LARP1B: variants seen among roughly 807,000 people sequenced by gnomAD.
LARP1B encodes the protein La ribonucleoprotein 1B.
LARP1B carries 76 observed loss-of-function variants against 114.2 expected under a neutral mutation model. The observed-to-expected ratio is 0.67, with a 90% CI of 0.55 to 0.81. The LOEUF (loss-of-function observed/expected upper bound fraction) is 0.81, where lower values mean the gene tolerates loss of function less well. Ranked by LOEUF, LARP1B falls within the 30% of genes least tolerant of loss-of-function variation. The probability of loss-of-function intolerance (pLI) is 0.00; values close to 1 mark genes in which losing one functional copy is unlikely to be tolerated. For missense variants in LARP1B, 1,014 were observed against 1,075.8 expected (o/e 0.94, Z 0.80); for synonymous variants, 345 against 348.0 (o/e 0.99, Z 0.10).
chr4:128,123,508 T>A, intron 11 of LARP1B: 2 of 491,448 alleles, frequency 4.1e-6, no homozygotes, highest in Non-Finnish European at 5.3e-6. Flanking sequence ...ATAGCATATA[T>A]CATTATCTAT....
rs1161210908 is a variant in LARP1B, at chr4:128,061,611, G to A, written c.-78+210G>A. 8 of 917,224 alleles carry A rather than the reference G, an allele frequency of 8.7e-6. No individual in the cohort carries two copies. In the Middle Eastern group the frequency reaches 2.2e-3, roughly 253 times the overall value. 56.8% of individuals were successfully genotyped at this position (917,224 alleles called of 1,614,324 possible). ...GGTTGTCTGTCCCCAGTTGGAGCCG[G>A]CCGGTGTCCCGGCGGAGAGACGGGC... On this transcript the variant is annotated intron_variant, in intron 1 of 19. Coordinates refer to ENST00000326639, the MANE Select transcript of LARP1B (RefSeq NM_018078.4).
At chr4:128,061,573 C>T in intron 1 of LARP1B, 172 bp downstream of exon 1, 2 of 659,312 alleles carry the variant, frequency 3.0e-6, no homozygotes, top group Non-Finnish European at 3.8e-6. Context: ...CGGCCACGGC[C>T]GCCGGGCTCT....
At chr4:128,127,218 T>C (rs1789947752) in intron 11 of LARP1B, among the ~76,000 whole-genome samples, 1 of 151,020 alleles carries the variant, frequency 6.6e-6, no homozygotes, top group Non-Finnish European at 1.5e-5. Context: ...AAGGGTAGAA[T>C]AAAAGTGATT....
chr4:128,182,201 C>A (rs1236635166), intron 15 of LARP1B, among the ~76,000 whole-genome samples: 1 of 145,492 alleles, frequency 6.9e-6, no homozygotes, highest in African/African-American at 2.5e-5. Context: ...GCAACCGTAA[C>A]CTCCCAGACT....
chr4:128,150,232 G>A (rs989968326), intron 11 of LARP1B, among the ~76,000 whole-genome samples: 3 of 151,438 alleles, frequency 2.0e-5, no homozygotes, highest in African/African-American at 7.3e-5. Flanking sequence ...AATAAATGGT[G>A]TCTGAGATTA....
intron 11 of LARP1B, among the ~76,000 whole-genome samples, chr4:128,150,051 T>C (rs1157199439): frequency 1.3e-5 from 2 of 152,124 alleles, no homozygotes; most frequent in Non-Finnish European, 2.9e-5. Context: ...TTCAGGAGGC[T>C]GAGGCAGGAG....
At chr4:128,089,367 ACT>A (rs1440877804) in intron 5 of LARP1B, among the ~76,000 whole-genome samples, 2 of 152,224 alleles carry the variant, frequency 1.3e-5, no homozygotes, top group East Asian at 1.9e-4. Flanking sequence ...ACAGAATCTC[ACT>A]CTGTTACCTA....
At chr4:128,194,670 A>C (rs1286283747) in intron 15 of LARP1B, among the ~76,000 whole-genome samples, 1 of 119,274 alleles carries the variant, frequency 8.4e-6, no homozygotes, top group Non-Finnish European at 1.7e-5. Context: ...GCGACAGAGC[A>C]AGACTCTGTC....
chr4:128,130,243 A>T (rs1791134632), intron 11 of LARP1B, among the ~76,000 whole-genome samples: 1 of 152,212 alleles, frequency 6.6e-6, no homozygotes, highest in South Asian at 2.1e-4. Flanking sequence ...ATATTTACAA[A>T]TGACAAATTT....
chr4:128,188,622 T>C (rs1174376352), intron 15 of LARP1B, among the ~76,000 whole-genome samples: 1 of 152,208 alleles, frequency 6.6e-6, no homozygotes, highest in Non-Finnish European at 1.5e-5. Context: ...ACTTTTTTGA[T>C]GTAGGCATTT....
At chr4:128,100,737 A>G (rs1780019926) in intron 8 of LARP1B, among the ~76,000 whole-genome samples, 1 of 151,236 alleles carries the variant, frequency 6.6e-6, no homozygotes, top group Non-Finnish European at 1.5e-5. Flanking sequence ...TTCATTCTGG[A>G]TACAAGTCCA....
intron 12 of LARP1B, among the ~76,000 whole-genome samples, chr4:128,173,460 C>T (rs945995491): frequency 5.3e-5 from 8 of 152,156 alleles, no homozygotes; most frequent in Non-Finnish European, 1.0e-4. Context: ...GTTCACTAAA[C>T]ACTAACAGCA....
chr4:128,155,610 C>T lies in LARP1B; in HGVS notation c.1525-6584C>T, dbSNP rs1425007666. 4.5e-6 allele frequency: 5 copies of T among 1,110,212 alleles called. No individual in the cohort carries two copies. The East Asian group carries it at 9.4e-5, about 21-fold the overall frequency. 68.8% of individuals were successfully genotyped at this position (1,110,212 alleles called of 1,614,324 possible). The stretch of plus-strand genomic sequence containing the variant: ...GGCCTCTGACCTACCCTTAGTCCAG[C>T]CCCCTACAACCCCAGCCAGGAGCCA... On this transcript the variant is annotated intron_variant, in intron 11 of 19. Transcript: ENST00000326639.
At chr4:128,102,339 C>A (rs1213635442) in intron 8 of LARP1B, among the ~76,000 whole-genome samples, 1 of 152,132 alleles carries the variant, frequency 6.6e-6, no homozygotes, top group African/African-American at 2.4e-5. Flanking sequence ...CTAGGGTTGT[C>A]ATGAGGATGA....
At chr4:128,120,803 A>ATTTTTTTTTTTTTTTTT (rs56253884) in intron 10 of LARP1B, among the ~76,000 whole-genome samples, 1 of 128,962 alleles carries the variant, frequency 7.8e-6, no homozygotes, top group African/African-American at 3.1e-5. Context: ...GGGGTAGACA[A>ATTTTTTTTTTTTTTTTT]TTTTTTTTTT....
chr4:128,136,028 C>T (rs562296840), intron 11 of LARP1B, among the ~76,000 whole-genome samples: 3 of 151,998 alleles, frequency 2.0e-5, no homozygotes, highest in Non-Finnish European at 4.4e-5. Flanking sequence ...TGCGGTGGCT[C>T]AGACCTGTAA....
intron 12 of LARP1B, among the ~76,000 whole-genome samples, chr4:128,167,604 G>C (rs1242778955): frequency 1.3e-5 from 2 of 151,860 alleles, no homozygotes; most frequent in Admixed American, 1.3e-4. Flanking sequence ...TGCTTTTGTT[G>C]CCTGAGCTTT....
chr4:128,188,012 G>C (rs1165690262), intron 15 of LARP1B, among the ~76,000 whole-genome samples: 1 of 151,854 alleles, frequency 6.6e-6, no homozygotes, highest in Middle Eastern at 3.2e-3. Flanking sequence ...GCATCATGCT[G>C]TACTGCCTAC....
At chr4:128,069,723 A>G (rs183711873) in intron 1 of LARP1B, 397 of 318,042 alleles carry the variant, frequency 1.2e-3, no homozygotes, top group Non-Finnish European at 1.6e-3. Context: ...TTTTTTGCCT[A>G]TTAAACATCA....
Sources: gnomAD v4.1 joint callset for allele counts (sites outside exome capture counted in the v4.1 genomes callset) on GRCh38, gnomAD v4.1.1 for gene constraint, MANE v1.5 for transcripts, NCBI Gene and HGNC (gene_info 2026-07-23, HGNC 2026-07-21) for gene names.